Variants in MKX observed in about 807,000 individuals in gnomAD.
The protein encoded by MKX is homeobox protein Mohawk.
In MKX, 13 loss-of-function variants were observed where a neutral mutation model predicts 36.0. The ratio of observed to expected loss-of-function variants is 0.36; its 90% CI spans 0.24 to 0.57. The LOEUF is 0.57. MKX is among the 20% of genes least tolerant of loss of function. MKX has a pLI of 0.79. For missense variants in MKX, 458 were observed against 456.4 expected (o/e 1.00, Z -0.03); for synonymous variants, 176 against 178.3 (o/e 0.99, Z 0.10).
chr10:27,684,440 A>G (rs975464205), intron 5 of MKX, among the ~76,000 whole-genome samples: 2 of 152,208 alleles, frequency 1.3e-5, no homozygotes, highest in Non-Finnish European at 2.9e-5. Context: ...AAAAGTGTAA[A>G]ATAGAAAATA....
At chr10:27,702,854 T>A (rs1479097725) in intron 5 of MKX, among the ~76,000 whole-genome samples, 1 of 152,142 alleles carries the variant, frequency 6.6e-6, no homozygotes, top group Non-Finnish European at 1.5e-5. Context: ...TCTGGTTTCA[T>A]TTTTCCCAGA....
intron 5 of MKX, among the ~76,000 whole-genome samples, chr10:27,715,202 C>T (rs78255782): frequency 2.6e-5 from 4 of 151,568 alleles, no homozygotes; most frequent in Non-Finnish European, 2.9e-5. Context: ...TGCAGGCAGA[C>T]GCTTGCTTTG....
chr10:27,718,410 G>A (rs901597998), intron 5 of MKX, among the ~76,000 whole-genome samples: 6 of 151,980 alleles, frequency 3.9e-5, no homozygotes, highest in Admixed American at 6.6e-5. Flanking sequence ...TAGCGCTAGC[G>A]AAAATTATTA....
chr10:27,729,312 G>A (rs1410455748), intron 5 of MKX, among the ~76,000 whole-genome samples: 1 of 23,630 alleles, frequency 4.2e-5, no homozygotes, highest in East Asian at 1.1e-3. Flanking sequence ...TTTTTTTTTT[G>A]AGACAGAGTC....
intron 5 of MKX, among the ~76,000 whole-genome samples, chr10:27,677,959 C>T (rs1204706690): frequency 3.9e-5 from 6 of 152,204 alleles, no homozygotes. Context: ...CTGCTACTTT[C>T]CATAATTTTG....
At chr10:27,738,477 G>C (rs550150120) in intron 3 of MKX, among the ~76,000 whole-genome samples, 1 of 152,020 alleles carries the variant, frequency 6.6e-6, no homozygotes, top group African/African-American at 2.4e-5. Flanking sequence ...CCTTAACCAA[G>C]GATAGGTTCT....
Position 27,686,517 on chromosome 10 carries a change from C to G in MKX, c.839-10963G>C, listed in dbSNP as rs552069572. The stretch of plus-strand genomic sequence containing the variant: ...CTTCTGAGACAGTCTTGTTCTGTCA[C>G]CCAGGCTGGAGTGCAGTGGTGTGAT... On this transcript the variant is annotated intron_variant, in intron 5 of 6. Coordinates refer to ENST00000419761, the MANE Select transcript of MKX (RefSeq NM_173576.3). Among the ~76,000 whole-genome samples the G allele has an allele frequency of 6.0e-4, 91 of 152,234 alleles. 5 individuals are homozygous for G. The South Asian group carries it at 0.018, about 30-fold the overall frequency.
intron 3 of MKX, 27 bp from the exon 4 acceptor site, chr10:27,735,401 C>G (rs753356998): frequency 6.3e-7 from 1 of 1,592,242 alleles, no homozygotes; most frequent in Non-Finnish European, 8.6e-7. Flanking sequence ...TTTCAATTAA[C>G]AAAACTTAAA....
At chr10:27,682,100 T>C (rs1265520469) in intron 5 of MKX, among the ~76,000 whole-genome samples, 1 of 152,158 alleles carries the variant, frequency 6.6e-6, no homozygotes, top group African/African-American at 2.4e-5. Context: ...AGCCTTACCC[T>C]GTGCAGGCCT....
chr10:27,682,754 G>T (rs990224787), intron 5 of MKX, among the ~76,000 whole-genome samples: 1 of 152,074 alleles, frequency 6.6e-6, no homozygotes, highest in Non-Finnish European at 1.5e-5. Flanking sequence ...GCCGAGGCGG[G>T]TGGATCACAA....
chr10:27,726,844 G>A (rs1834501608), intron 5 of MKX, among the ~76,000 whole-genome samples: 1 of 150,840 alleles, frequency 6.6e-6, no homozygotes, highest in Non-Finnish European at 1.5e-5. Flanking sequence ...AAATTTAAAT[G>A]TTTTTTATGA....
chr10:27,739,990 G>T (rs1267235118), intron 3 of MKX, among the ~76,000 whole-genome samples: 1 of 152,062 alleles, frequency 6.6e-6, no homozygotes, highest in Non-Finnish European at 1.5e-5. Context: ...CAGATATTAA[G>T]CCAAGAACAC....
chr10:27,711,494 T>TCC (rs1554772213), intron 5 of MKX, among the ~76,000 whole-genome samples: 2 of 34,152 alleles, frequency 5.9e-5, no homozygotes, highest in African/African-American at 2.9e-4. Context: ...TCTCTCTCTC[T>TCC]CTTCTTTCCT....
chr10:27,744,533 G>A lies in MKX; in HGVS notation c.-82-1036C>T, dbSNP rs189459958. On this transcript the variant is annotated intron_variant, in intron 1 of 6. Transcript: ENST00000419761. The surrounding 1 kb of genome is among the most constrained non-coding windows in gnomAD (Gnocchi z 5.6). ...GTCAGGAGCAAGTCCGCGCGGCCGC[G>A]GAGCCGCAGAGTTACAGCCCCAAGG... 4.8e-3 allele frequency among the ~76,000 whole-genome samples: 732 copies of A among 152,184 alleles called. 12 individuals are homozygous for A. The highest frequency in any genetic ancestry group is 0.017 in the African/African-American group (709 of 41,546).
chr10:27,732,847 A>T (rs976287307), intron 5 of MKX, among the ~76,000 whole-genome samples: 2 of 152,046 alleles, frequency 1.3e-5, no homozygotes, highest in Non-Finnish European at 2.9e-5. Flanking sequence ...TCCTGGGCTC[A>T]AGCGGTCCTC....
chr10:27,726,100 A>C (rs1323071585), intron 5 of MKX, among the ~76,000 whole-genome samples: 1 of 152,238 alleles, frequency 6.6e-6, no homozygotes, highest in Non-Finnish European at 1.5e-5. Flanking sequence ...TGAGTATCAG[A>C]AAGTCAATTA....
chr10:27,703,246 C>T (rs777902261), intron 5 of MKX, among the ~76,000 whole-genome samples: 1 of 152,100 alleles, frequency 6.6e-6, no homozygotes, highest in Admixed American at 6.6e-5. Flanking sequence ...CTTTCTCCAT[C>T]GTTATCATAT....
intron 5 of MKX, among the ~76,000 whole-genome samples, chr10:27,679,329 C>CA (rs1836211342): frequency 6.6e-6 from 1 of 151,558 alleles, no homozygotes; most frequent in Admixed American, 6.6e-5. Flanking sequence ...GTGAAAACTG[C>CA]ATACAACAAA....
chr10:27,743,588 G>A, intron 1 of MKX, 91 bp from the exon 2 acceptor site: 1 of 698,672 alleles, frequency 1.4e-6, no homozygotes, highest in Non-Finnish European at 2.2e-6. Context: ...GGGTCGCCGG[G>A]CTGCGGAGCC....
Sources: gnomAD v4.1 joint callset for allele counts (sites outside exome capture counted in the v4.1 genomes callset) on GRCh38, gnomAD v4.1.1 for gene constraint, Gnocchi (gnomAD v3.1) non-coding constraint, MANE v1.5 for transcripts, NCBI Gene and HGNC (gene_info 2026-07-23, HGNC 2026-07-21) for gene names.